The following GFOD1 variants were observed in gnomAD, a reference collection of about 807,000 sequenced individuals.
GFOD1 encodes the protein Gfo/Idh/MocA-like oxidoreductase domain containing 1.
In GFOD1, 9 loss-of-function variants were observed where a neutral mutation model predicts 25.4. That is an observed-to-expected ratio of 0.35 (90% CI 0.21 to 0.62). The LOEUF is 0.62. GFOD1 is among the 20% of genes least tolerant of loss of function. The pLI is 0.72. For synonymous variants in GFOD1, 253 were observed against 245.6 expected (o/e 1.03, Z -0.28); for missense variants, 403 against 556.9 (o/e 0.72, Z 2.78).
intron 1 of GFOD1, among the ~76,000 whole-genome samples, chr6:13,459,037 A>C (rs933426111): frequency 6.6e-6 from 1 of 152,148 alleles, no homozygotes; most frequent in Non-Finnish European, 1.5e-5. Flanking sequence ...TTAATCCCCA[A>C]TGCAAAAGTG....
At chr6:13,373,422 T>C (rs1317045376) in intron 1 of GFOD1, among the ~76,000 whole-genome samples, 1 of 152,186 alleles carries the variant, frequency 6.6e-6, no homozygotes, top group Admixed American at 6.5e-5. Context: ...TTATAAAAAC[T>C]GTTGTGTGTA....
At position 13,486,885 on chromosome 6, in the gene GFOD1, A is replaced by G; in HGVS notation, c.6T>C (p.Leu2=). M[L]PGVGVFGTSL... ...TGGTGCCGAACACGCCCACCCCGGG[A>G]AGCATGGCTGCTCAGAGCCGCCTGG... Residue 2 remains leucine (L), a synonymous_variant, in exon 1 of 2, where the codon CTT becomes CTC. Transcript: ENST00000379287. 1 of 1,609,686 alleles carries G rather than the reference A, an allele frequency of 6.2e-7. No individual in the cohort carries two copies. Among genetic ancestry groups the G allele is most frequent in the Non-Finnish European group, 8.5e-7 (1 of 1,179,914 alleles).
intron 1 of GFOD1, among the ~76,000 whole-genome samples, chr6:13,478,504 T>C (rs1013111154): frequency 2.6e-5 from 4 of 152,140 alleles, no homozygotes; most frequent in Non-Finnish European, 5.9e-5. Context: ...TCTTGGAGAG[T>C]GCAGCCCAGA....
chr6:13,407,185 G>A (rs1584633224), intron 1 of GFOD1, among the ~76,000 whole-genome samples: 1 of 152,316 alleles, frequency 6.6e-6, no homozygotes, highest in Non-Finnish European at 1.5e-5. Flanking sequence ...CTATAGAGCT[G>A]CCAGACTGCT....
rs1352147862 is a variant in GFOD1, at chr6:13,358,361, A to G, written c.*6382T>C. The G allele has an allele frequency of 6.6e-6, 1 of 152,112 alleles. No homozygotes were observed. The highest frequency in any genetic ancestry group is 2.4e-5 in the African/African-American group (1 of 41,412). The allele number at this position is 152,112 out of a possible 1,614,324, so 9.4% of individuals were successfully genotyped here. The stretch of plus-strand genomic sequence containing the variant: ...ATACTCATGTTTGTAAAACACAATA[A>G]ATATATACTCGACAATGACAGCCAA... On this transcript the variant is annotated 3_prime_UTR_variant, in exon 2 of 2. Coordinates refer to ENST00000379287, the MANE Select transcript of GFOD1 (RefSeq NM_018988.4).
intron 1 of GFOD1, among the ~76,000 whole-genome samples, chr6:13,370,013 T>G (rs1785119147): frequency 6.6e-6 from 1 of 152,102 alleles, no homozygotes; most frequent in Non-Finnish European, 1.5e-5. Flanking sequence ...AAAAAAAAGC[T>G]AATTAAAAAA....
intron 1 of GFOD1, among the ~76,000 whole-genome samples, chr6:13,419,299 C>T (rs1161209308): frequency 1.3e-5 from 2 of 152,220 alleles, no homozygotes; most frequent in African/African-American, 4.8e-5. Context: ...AGTTTCTACT[C>T]TTCCCTGGGG....
chr6:13,483,513 T>G (rs1758799970), intron 1 of GFOD1, among the ~76,000 whole-genome samples: 1 of 152,196 alleles, frequency 6.6e-6, no homozygotes, highest in African/African-American at 2.4e-5. Context: ...TCTCTAGCAC[T>G]GCCAGATACT....
rs763954085 is a variant in GFOD1 at position 13,364,993 on chromosome 6, T to C, written c.923A>G (p.Lys308Arg). Residue 308 changes from lysine (K) to arginine (R), a missense_variant, in exon 2 of 2, where the codon AAG (lysine) becomes AGG (arginine). Lys to Arg is a conservative substitution (Grantham distance 26, BLOSUM62 2). Transcript: ENST00000379287. The surrounding 1 kb of genome is among the most constrained non-coding windows in gnomAD (Gnocchi z 4.1). ...GGCCTGGCGCACCGCCTGCATCATC[T>C]TGATGGTGCCGCGCAGGTAGGGCGA... is the stretch of plus-strand genomic sequence containing the variant. ...IPSPYLRGTIKMMQAVRQAFQ... is the reference protein window; with the variant it reads ...IPSPYLRGTIRMMQAVRQAFQ... 5 of 1,610,386 alleles carry C rather than the reference T, an allele frequency of 3.1e-6. No homozygotes were observed. In the African/African-American group the frequency reaches 4.0e-5, roughly 13 times the overall value.
intron 1 of GFOD1, among the ~76,000 whole-genome samples, chr6:13,447,555 T>C (rs865876307): frequency 6.6e-6 from 1 of 151,888 alleles, no homozygotes; most frequent in Middle Eastern, 3.4e-3. Context: ...CTGGTCAACA[T>C]GGTGAAACCC....
chr6:13,487,097 T>A lies in GFOD1; in HGVS notation c.-207A>T. ...GCTCGGGGCGCCTCAGAACGGTGACTGCGGCAGTGTCCGCCACGCGGGGCT... is the reference window on the plus strand; with the variant it reads ...GCTCGGGGCGCCTCAGAACGGTGACAGCGGCAGTGTCCGCCACGCGGGGCT... On this transcript the variant is annotated 5_prime_UTR_variant, in exon 1 of 2. Coordinates refer to ENST00000379287, the MANE Select transcript of GFOD1 (RefSeq NM_018988.4). This position sits in a 1 kb window ranked among gnomAD's most constrained non-coding sequence, Gnocchi z 4.9. 1 of 548,426 alleles carries A rather than the reference T, an allele frequency of 1.8e-6. No homozygotes were observed. The highest frequency in any genetic ancestry group is 3.1e-6 in the Non-Finnish European group (1 of 321,162). 34.0% of individuals were successfully genotyped at this position (548,426 alleles called of 1,614,324 possible).
In GFOD1 at chr6:13,365,776, G is replaced by T; in HGVS notation, c.254-114C>A. The T allele has an allele frequency of 4.7e-6, 4 of 849,384 alleles. No individual in the cohort carries two copies. In the South Asian group the frequency reaches 6.9e-5, roughly 15 times the overall value. The allele number at this position is 849,384 out of a possible 1,614,324, so 52.6% of individuals were successfully genotyped here. A position where few individuals can be genotyped will look rare whatever the true frequency, so the allele number is the denominator to read the frequency against. On this transcript the variant is annotated intron_variant, in intron 1 of 1. Transcript: ENST00000379287. The surrounding 1 kb of genome is among the most constrained non-coding windows in gnomAD (Gnocchi z 9.2). ...ATAGAAAAAGAAGGTCAGATGTGGT[G>T]GCTCATGCCTGTTGTCCCAGCACTT... is the stretch of plus-strand genomic sequence containing the variant.
Position 13,487,073 on chromosome 6 carries a change from C to T in GFOD1, c.-183G>A. 1.5e-6 allele frequency: 1 copy of T among 663,562 alleles called. No individual in the cohort carries two copies. The highest frequency in any genetic ancestry group is 2.0e-5 in the South Asian group (1 of 50,962). 41.1% of individuals were successfully genotyped at this position (663,562 alleles called of 1,614,324 possible). A position where few individuals can be genotyped will look rare whatever the true frequency, so the allele number is the denominator to read the frequency against. ...CGCACCGAGCTGCAGGCGGAGCAAG[C>T]TCGGGGCGCCTCAGAACGGTGACTG... On this transcript the variant is annotated 5_prime_UTR_variant, in exon 1 of 2. Transcript: ENST00000379287. This position sits in a 1 kb window ranked among gnomAD's most constrained non-coding sequence, Gnocchi z 4.9.
At chr6:13,401,094 G>A (rs567968700) in intron 1 of GFOD1, among the ~76,000 whole-genome samples, 3 of 152,276 alleles carry the variant, frequency 2.0e-5, no homozygotes, top group South Asian at 2.1e-4. Flanking sequence ...CGAGAGAGCC[G>A]AGACCCATTT....
chr6:13,421,769 C>A (rs1786260958), intron 1 of GFOD1, among the ~76,000 whole-genome samples: 1 of 152,152 alleles, frequency 6.6e-6, no homozygotes, highest in South Asian at 2.1e-4. Flanking sequence ...ATGAACATCA[C>A]AGAAGGGACT....
intron 1 of GFOD1, among the ~76,000 whole-genome samples, chr6:13,472,626 C>T (rs1346294751): frequency 6.6e-6 from 1 of 152,190 alleles, no homozygotes; most frequent in Non-Finnish European, 1.5e-5. Context: ...GGGCAGTGCC[C>T]ACACACCCAT....
At chr6:13,401,124 A>G (rs1005234299) in intron 1 of GFOD1, among the ~76,000 whole-genome samples, 5 of 152,208 alleles carry the variant, frequency 3.3e-5, no homozygotes, top group African/African-American at 9.6e-5. Flanking sequence ...GTCTGACTAT[A>G]GATGTTAGCC....
chr6:13,465,367 T>C, intron 1 of GFOD1, among the ~76,000 whole-genome samples: 1 of 152,222 alleles, frequency 6.6e-6, no homozygotes, highest in Admixed American at 6.5e-5. Context: ...CTAAATCTTG[T>C]TGCTCAAAGC....
At chr6:13,391,256 T>C (rs1785601135) in intron 1 of GFOD1, among the ~76,000 whole-genome samples, 1 of 152,150 alleles carries the variant, frequency 6.6e-6, no homozygotes, top group African/African-American at 2.4e-5. Context: ...GCTAGCTAGC[T>C]ACCAAAACAG....
Sources: allele counts gnomAD v4.1 joint callset (sites outside exome capture counted in the v4.1 genomes callset), GRCh38; gene constraint gnomAD v4.1.1; non-coding constraint Gnocchi (gnomAD v3.1); transcripts MANE v1.5; gene names NCBI Gene and HGNC (gene_info 2026-07-23, HGNC 2026-07-21).